HDAC9: variants seen among roughly 807,000 people sequenced by gnomAD.
HDAC9 encodes the protein histone deacetylase 9.
Under a neutral mutation model 139.4 loss-of-function variants are expected in HDAC9, and 41 were observed. The ratio of observed to expected loss-of-function variants is 0.29; its 90% confidence interval spans 0.23 to 0.38. HDAC9 has a LOEUF of 0.38. Ranked by LOEUF, HDAC9 falls within the 10% of genes least tolerant of loss-of-function variation. The probability of loss-of-function intolerance (pLI) is 1.00; values close to 1 mark genes in which losing one functional copy is unlikely to be tolerated. For missense variants in HDAC9, 1,147 were observed against 1,297.0 expected (o/e 0.88, Z 1.78); for synonymous variants, 517 against 476.2 (o/e 1.09, Z -1.12).
chr7:18,936,640 A>G (rs1378882090), intron 23 of HDAC9, among the ~76,000 whole-genome samples: 1 of 152,230 alleles, frequency 6.6e-6, no homozygotes, highest in Admixed American at 6.5e-5. Flanking sequence ...GTTTCTATGT[A>G]TTCATTAATA....
chr7:18,109,869 C>T (rs1783493326), intron 1 of HDAC9, among the ~76,000 whole-genome samples: 1 of 152,182 alleles, frequency 6.6e-6, no homozygotes, highest in Non-Finnish European at 1.5e-5. Flanking sequence ...AGGCATGCTT[C>T]TGAGCAGTTT....
intron 21 of HDAC9, among the ~76,000 whole-genome samples, chr7:18,859,857 T>TGAGAGAGA (rs71017004): frequency 8.2e-6 from 1 of 121,236 alleles, no homozygotes; most frequent in East Asian, 2.7e-4. Flanking sequence ...TATATATATA[T>TGAGAGAGA]ATGTGAGAGA....
chr7:18,753,199 A>G (rs1178168), intron 14 of HDAC9, among the ~76,000 whole-genome samples: 23,478 of 152,116 alleles, frequency 0.15, 2,174 homozygotes, highest in East Asian at 0.4. Context: ...ATAAATACAC[A>G]ATTACAAATT....
intron 2 of HDAC9, among the ~76,000 whole-genome samples, chr7:18,271,988 T>C (rs1584945339): frequency 6.6e-6 from 1 of 152,156 alleles, no homozygotes; most frequent in East Asian, 1.9e-4. Flanking sequence ...AAATTAATTC[T>C]CAAATAATAG....
In HDAC9 at chr7:18,749,123, G is replaced by A; in HGVS notation, c.2028G>A (p.Leu676=). 6.2e-7 allele frequency: 1 copy of A among 1,613,498 alleles called. No individual in the cohort carries two copies. Among genetic ancestry groups the A allele is most frequent in the Non-Finnish European group, 8.5e-7 (1 of 1,179,710 alleles). ...SIWSRLQETG[L]LNKCERIQGR... ...GGTCACGACTGCAAGAAACTGGGCT[G>A]CTAAATAAATGTGAGGTAATCCAGA... Residue 676 remains leucine, a synonymous_variant, in exon 14 of 26, where the codon CTG becomes CTA. Coordinates refer to ENST00000686413, the MANE Select transcript of HDAC9 (RefSeq NM_178425.4).
chr7:18,249,051 C>T (rs1794744414), intron 2 of HDAC9, among the ~76,000 whole-genome samples: 2 of 152,120 alleles, frequency 1.3e-5, no homozygotes, highest in Admixed American at 6.5e-5. Flanking sequence ...CTTAGGGATA[C>T]AGTTGAGGAC....
chr7:18,271,865 AAC>A (rs1366031056), intron 2 of HDAC9, among the ~76,000 whole-genome samples: 3 of 152,226 alleles, frequency 2.0e-5, no homozygotes, highest in Non-Finnish European at 4.4e-5. Context: ...TCAGGCATCT[AAC>A]AAAGTGCCCA....
At chr7:18,940,735 G>T (rs1260181590) in intron 23 of HDAC9, among the ~76,000 whole-genome samples, 2 of 152,078 alleles carry the variant, frequency 1.3e-5, no homozygotes, top group African/African-American at 2.4e-5. Context: ...TTGCTTTAAG[G>T]CCAAATTTGC....
chr7:18,685,429 A>T (rs1192527515), intron 12 of HDAC9, among the ~76,000 whole-genome samples: 2 of 151,798 alleles, frequency 1.3e-5, no homozygotes, highest in Non-Finnish European at 2.9e-5. Context: ...CTCATTTGTT[A>T]ATTGAAAGTG....
chr7:18,189,639 A>G lies in HDAC9; in HGVS notation c.25+27290A>G, dbSNP rs905821302. On this transcript the variant is annotated intron_variant, in intron 2 of 12. Coordinates refer to the HDAC9 transcript ENST00000417496. ...TCCCAAAGACCCAGAACACAGGTGC[A>G]TGCCTGTGATTATCCTAGGTCTCTT... Among the ~76,000 whole-genome samples, 15 of 152,218 alleles carry G rather than the reference A, an allele frequency of 9.9e-5. No individual in the cohort carries two copies. The South Asian group carries it at 2.5e-3, about 25-fold the overall frequency.
chr7:18,309,594 C>G (rs1799166517), intron 1 of HDAC9, among the ~76,000 whole-genome samples: 1 of 152,086 alleles, frequency 6.6e-6, no homozygotes, highest in African/African-American at 2.4e-5. Flanking sequence ...GTTAAGAATT[C>G]ACACAGTTTA....
chr7:18,786,223 A>G (rs1037645494), intron 16 of HDAC9, among the ~76,000 whole-genome samples: 95 of 152,206 alleles, frequency 6.2e-4, no homozygotes, highest in Non-Finnish European at 3.2e-4. Flanking sequence ...AGTAAGAGAG[A>G]TTGCAACATG....
At chr7:18,482,359 C>G (rs978560351) in intron 1 of HDAC9, among the ~76,000 whole-genome samples, 2 of 78,376 alleles carry the variant, frequency 2.6e-5, no homozygotes, top group Non-Finnish European at 4.6e-5. Context: ...GCCTGGGCAA[C>G]ATAGTAAGAC....
chr7:18,506,184 A>T (rs1799718898), intron 2 of HDAC9: 1 of 152,236 alleles, frequency 6.6e-6, no homozygotes, highest in Non-Finnish European at 1.5e-5. Flanking sequence ...TGTTGTTTAA[A>T]TGTGTGCTTA....
At chr7:18,377,330 G>C (rs1421941445) in intron 1 of HDAC9, among the ~76,000 whole-genome samples, 1 of 152,168 alleles carries the variant, frequency 6.6e-6, no homozygotes, top group African/African-American at 2.4e-5. Flanking sequence ...CACATTGGAG[G>C]TTAGAATTTT....
At chr7:18,507,696 G>A (rs1412685914) in intron 2 of HDAC9, among the ~76,000 whole-genome samples, 1 of 151,888 alleles carries the variant, frequency 6.6e-6, no homozygotes, top group African/African-American at 2.4e-5. Context: ...TCTTCACATT[G>A]GTCAGGCTGG....
intron 24 of HDAC9, among the ~76,000 whole-genome samples, chr7:18,965,112 G>A (rs1456645078): frequency 2.0e-5 from 3 of 152,098 alleles, no homozygotes; most frequent in African/African-American, 7.2e-5. Context: ...CCGTATCCAA[G>A]AGACTGACTC....
chr7:18,979,726 C>T (rs773479652), intron 25 of HDAC9, among the ~76,000 whole-genome samples: 26 of 152,130 alleles, frequency 1.7e-4, no homozygotes, highest in East Asian at 7.7e-4. Context: ...GATTGGGGAG[C>T]GGGTACATCA....
intron 22 of HDAC9, among the ~76,000 whole-genome samples, chr7:18,933,080 A>G (rs1398831567): frequency 2.6e-5 from 4 of 152,188 alleles, no homozygotes; most frequent in Non-Finnish European, 5.9e-5. Flanking sequence ...TGAATGACAG[A>G]TACCATATTC....
Sources: gnomAD v4.1 joint callset for allele counts (sites outside exome capture counted in the v4.1 genomes callset) on GRCh38, gnomAD v4.1.1 for gene constraint, MANE v1.5 for transcripts, NCBI Gene and HGNC (gene_info 2026-07-23, HGNC 2026-07-21) for gene names.